NUDT9: variants seen among roughly 807,000 people sequenced by gnomAD.
The protein encoded by NUDT9 is ADP-ribose pyrophosphatase.
NUDT9 carries 31 observed loss-of-function variants against 41.0 expected under a neutral mutation model. That is an observed-to-expected ratio of 0.76 (90% CI 0.57 to 1.02). NUDT9 has a LOEUF of 1.02. Ranked by LOEUF, NUDT9 falls within the 50% of genes least tolerant of loss-of-function variation. The probability of loss-of-function intolerance (pLI) is 0.00; values close to 1 mark genes in which losing one functional copy is unlikely to be tolerated. For synonymous variants in NUDT9, 146 were observed against 147.6 expected, an observed-to-expected ratio of 0.99 and a Z score of 0.08; for missense variants, 380 against 431.4, an observed-to-expected ratio of 0.88 and a Z score of 1.06.
intron 1 of NUDT9, among the ~76,000 whole-genome samples, chr4:87,424,254 G>GTTTTTTTTTTTTTTTTTTTTTTT (rs147874067): frequency 1.0e-5 from 1 of 99,184 alleles, no homozygotes; most frequent in Non-Finnish European, 1.9e-5. Flanking sequence ...TCCCTAATGC[G>GTTTTTTTTTTTTTTTTTTTTTTT]TTTTTTTTTT....
chr4:87,431,574 A>C (rs1335228815), intron 1 of NUDT9, among the ~76,000 whole-genome samples: 1 of 152,134 alleles, frequency 6.6e-6, no homozygotes, highest in Non-Finnish European at 1.5e-5. Flanking sequence ...GGTGTCTTTA[A>C]TTTCTTTTAG....
chr4:87,458,254 A>G lies in NUDT9; in HGVS notation c.*233A>G. On this transcript the variant is annotated 3_prime_UTR_variant, in exon 8 of 8. Coordinates refer to ENST00000302174, the MANE Select transcript of NUDT9 (RefSeq NM_024047.5). ...ATATAAGTAATCATATTTTGTATGT[A>G]TTCGATTTAAGCATGGCTTAAATTA... The G allele has an allele frequency of 5.6e-6, 2 of 355,676 alleles. No homozygotes were observed. The highest frequency in any genetic ancestry group is 1.0e-5 in the Non-Finnish European group (2 of 200,544). The allele number at this position is 355,676 out of a possible 1,614,324, so 22.0% of individuals were successfully genotyped here.
Position 87,438,342 on chromosome 4 carries a change from G to A in NUDT9, c.413G>A (p.Gly138Asp). Residue 138 changes from glycine to aspartate, a missense_variant, in exon 3 of 8, where the codon GGC (glycine) becomes GAC (aspartate). Gly to Asp is a moderately conservative substitution (Grantham distance 94). Coordinates refer to ENST00000302174, the MANE Select transcript of NUDT9 (RefSeq NM_024047.5). Reference sequence around the variant, plus strand: ...CATGTTGAGAGAAAGAGCAAGAATGGCCTGTATGAGATTGAAAATGGAAGA... The same window carrying A: ...CATGTTGAGAGAAAGAGCAAGAATGACCTGTATGAGATTGAAAATGGAAGA... ...DGHVERKSKN[G>D]LYEIENGRPR... The A allele has an allele frequency of 6.2e-7, 1 of 1,610,468 alleles. No individual in the cohort carries two copies. Among genetic ancestry groups the A allele is most frequent in the Non-Finnish European group, 8.5e-7 (1 of 1,177,140 alleles).
chr4:87,445,811 A>G (rs1722419779), intron 4 of NUDT9, among the ~76,000 whole-genome samples: 1 of 152,216 alleles, frequency 6.6e-6, no homozygotes, highest in Non-Finnish European at 1.5e-5. Flanking sequence ...ACTAATAAAT[A>G]ATATAGCAAG....
At chr4:87,434,581 G>A (rs1048987458) in intron 1 of NUDT9, among the ~76,000 whole-genome samples, 2 of 151,238 alleles carry the variant, frequency 1.3e-5, no homozygotes, top group Admixed American at 1.3e-4. Flanking sequence ...ATTCTTAAAG[G>A]TTTTTGAAAT....
chr4:87,427,456 T>C (rs1250232439), intron 1 of NUDT9, among the ~76,000 whole-genome samples: 1 of 152,254 alleles, frequency 6.6e-6, no homozygotes. Flanking sequence ...TTACAAGTAT[T>C]CTTTTTTCTG....
chr4:87,424,508 C>T (rs543737504), intron 1 of NUDT9, among the ~76,000 whole-genome samples: 1 of 152,202 alleles, frequency 6.6e-6, no homozygotes, highest in South Asian at 2.1e-4. Context: ...GTGATCCGCC[C>T]GTCTCGGCCT....
At position 87,431,817 on chromosome 4, in the gene NUDT9, C is replaced by G. The variant is rs1478991609; in HGVS notation, c.108-3164C>G. Among the ~76,000 whole-genome samples, 3 of 152,210 alleles carry G rather than the reference C, an allele frequency of 2.0e-5. No homozygotes were observed. The East Asian group carries it at 5.8e-4, about 29-fold the overall frequency. ...TCTCCTGCCTCAGCTTCTCGAGTAG[C>G]TGGGATTACAGGCACACATCACCAT... On this transcript the variant is annotated intron_variant, in intron 1 of 7. Transcript: ENST00000302174.
intron 4 of NUDT9, among the ~76,000 whole-genome samples, chr4:87,446,265 T>TA (rs1722450820): frequency 6.6e-6 from 1 of 150,620 alleles, no homozygotes; most frequent in Non-Finnish European, 1.5e-5. Context: ...TTTTTTTTTT[T>TA]TAAGACAGAT....
intron 6 of NUDT9, among the ~76,000 whole-genome samples, chr4:87,452,881 G>A (rs916195713): frequency 8.5e-5 from 12 of 141,816 alleles, no homozygotes; most frequent in Admixed American, 6.9e-4. Context: ...GCGCGATCTC[G>A]GCTCACTGCA....
intron 6 of NUDT9, among the ~76,000 whole-genome samples, chr4:87,454,142 C>T (rs1026019792): frequency 5.9e-5 from 9 of 152,056 alleles, no homozygotes; most frequent in Non-Finnish European, 5.9e-5. Flanking sequence ...CGATTACAGG[C>T]GTGAGCCACC....
In NUDT9 at chr4:87,435,134, G is replaced by T; in HGVS notation, c.261G>T (p.Trp87Cys). The T allele has an allele frequency of 6.2e-7, 1 of 1,614,214 alleles. No individual in the cohort carries two copies. Among genetic ancestry groups the T allele is most frequent in the South Asian group, 1.1e-5 (1 of 91,086 alleles). ...AGGTTCCTAATGAGAAAGTGGGCTGGCTTGTTGAGTGGCAAGACTATAAGC... is the reference window on the plus strand; with the variant it reads ...AGGTTCCTAATGAGAAAGTGGGCTGTCTTGTTGAGTGGCAAGACTATAAGC... ...RSQVPNEKVG[W>C]LVEWQDYKPV... is the part of the protein sequence containing the mutation. Residue 87 changes from tryptophan (W) to cysteine (C), a missense_variant, in exon 2 of 8, where the codon TGG becomes TGT. Transcript: ENST00000302174.
chr4:87,452,454 T>C (rs538350070), intron 6 of NUDT9, among the ~76,000 whole-genome samples: 2 of 152,202 alleles, frequency 1.3e-5, no homozygotes, highest in African/African-American at 4.8e-5. Context: ...TCATGTCTGT[T>C]TTGTCCATAT....
intron 4 of NUDT9, among the ~76,000 whole-genome samples, chr4:87,446,208 TATGAGTGAAC>T (rs1722445782): frequency 6.6e-6 from 1 of 151,964 alleles, no homozygotes. Flanking sequence ...AGTAAATGTT[TATGAGTGAAC>T]ATAGCCACCA....
At chr4:87,439,571 G>A (rs1306021075) in intron 3 of NUDT9, among the ~76,000 whole-genome samples, 2 of 151,794 alleles carry the variant, frequency 1.3e-5, no homozygotes, top group African/African-American at 2.4e-5. Context: ...CAGGAGAATC[G>A]CTTGAACCCA....
At chr4:87,434,695 C>T (rs552182227) in intron 1 of NUDT9, among the ~76,000 whole-genome samples, 6 of 151,050 alleles carry the variant, frequency 4.0e-5, no homozygotes, top group Non-Finnish European at 7.4e-5. Context: ...TGCAATGGCG[C>T]GATGTCTCAC....
At chr4:87,424,711 ATCTT>A (rs1170492458) in intron 1 of NUDT9, among the ~76,000 whole-genome samples, 1 of 151,894 alleles carries the variant, frequency 6.6e-6, no homozygotes, top group Non-Finnish European at 1.5e-5. Context: ...CCCTTTATCT[ATCTT>A]TATCTTCTTT....
chr4:87,425,435 C>T (rs1224071295), intron 1 of NUDT9, among the ~76,000 whole-genome samples: 1 of 136,840 alleles, frequency 7.3e-6, no homozygotes, highest in Non-Finnish European at 1.5e-5. Flanking sequence ...GCTCTCGTTG[C>T]CAAGGCTGGA....
rs560088613 is a variant in NUDT9 at position 87,431,895 on chromosome 4, G to A, written c.108-3086G>A. Among the ~76,000 whole-genome samples, 20 of 152,120 alleles carry A rather than the reference G, an allele frequency of 1.3e-4. No homozygotes were observed. In the East Asian group the frequency reaches 1.5e-3, roughly 12 times the overall value. On this transcript the variant is annotated intron_variant, in intron 1 of 7. Coordinates refer to ENST00000302174, the MANE Select transcript of NUDT9 (RefSeq NM_024047.5). ...GAGACAGGGTTTCGCCATGTTGGCC[G>A]GGCTGGTCTTGAACTGCTGACCTCA...
Sources: gnomAD v4.1 joint callset for allele counts (sites outside exome capture counted in the v4.1 genomes callset) on GRCh38, gnomAD v4.1.1 for gene constraint, MANE v1.5 for transcripts, NCBI Gene and HGNC (gene_info 2026-07-23, HGNC 2026-07-21) for gene names.